The following ABHD14B variants were observed in gnomAD, a reference collection of about 807,000 sequenced individuals.
ABHD14B encodes the protein abhydrolase domain containing 14B, also known as putative protein-lysine deacylase ABHD14B.
In ABHD14B, 19 loss-of-function variants were observed where a neutral mutation model predicts 15.4. The observed-to-expected ratio is 1.23, with a 90% CI of 0.86 to 1.81. The LOEUF is 1.81. Ranked by LOEUF, ABHD14B falls within the 40% of genes most tolerant of loss-of-function variation. ABHD14B has a pLI of 0.00. For missense variants in ABHD14B, 243 were observed against 267.0 expected (o/e 0.91, Z 0.63); for synonymous variants, 92 against 117.3 (o/e 0.78, Z 1.39).
rs373373105 is a variant in ABHD14B, at chr3:51,970,081, CG to C, written c.314del (p.Pro105ArgfsTer3). ...CACTCAGTGATGGACTGATCACAAC[CG>C]GGGGGCCCAGCTCCAAGGCATCCAC... ...AVVDALELGP[P>X]VVISPSLSGM... On this transcript the variant is annotated frameshift_variant, in exon 3 of 4. Coordinates refer to ENST00000361143, the MANE Select transcript of ABHD14B (RefSeq NM_001146314.2). LOFTEE classifies it high-confidence loss of function. 1.2e-6 allele frequency: 2 copies of C among 1,606,412 alleles called. No individual in the cohort carries two copies. Among genetic ancestry groups the C allele is most frequent in the Middle Eastern group, 1.7e-4 (1 of 6,030 alleles).
At chr3:51,969,750 T>C (rs1333275985) in intron 3 of ABHD14B, 145 bp from the exon 4 acceptor site, 1 of 1,389,630 alleles carries the variant, frequency 7.2e-7, no homozygotes, top group Non-Finnish European at 1.0e-6. Context: ...CACAGATTGG[T>C]GTCTGCCCCA....
At position 51,971,718 on chromosome 3, in the gene ABHD14B, T is replaced by C. The variant is rs1233518844; in HGVS notation, c.-28-20A>G. On this transcript the variant is annotated intron_variant, in intron 1 of 3. Transcript: ENST00000361143. ...AAGGGCCTGTGGTTCAAAACCACGA[T>C]GATGAGGGGCCACAGAACACCCTGC... is the stretch of plus-strand genomic sequence containing the variant. The C allele has an allele frequency of 1.9e-6, 3 of 1,595,010 alleles. No homozygotes were observed. Among genetic ancestry groups the C allele is most frequent in the Admixed American group, 1.7e-5 (1 of 58,490 alleles).
chr3:51,974,076 G>A, upstream of ABHD14B: 2 of 1,282,770 alleles, frequency 1.6e-6, no homozygotes, highest in Non-Finnish European at 2.0e-6. Context: ...CGGGGGCGGG[G>A]ACTGGGCCGT....
At chr3:51,971,097 A>C (rs1279674010) in intron 2 of ABHD14B, among the ~76,000 whole-genome samples, 1 of 152,234 alleles carries the variant, frequency 6.6e-6, no homozygotes. Flanking sequence ...ACTCTGTGTC[A>C]GGTACTAGCC....
At chr3:51,973,592 ACTGCAGC>A (rs1177271988) in intron 1 of ABHD14B, 1 of 326,694 alleles carries the variant, frequency 3.1e-6, no homozygotes, top group African/African-American at 2.3e-5. Flanking sequence ...ATCATGGATC[ACTGCAGC>A]CTTGACCTTC....
chr3:51,971,101 A>G (rs1577709167), intron 2 of ABHD14B, among the ~76,000 whole-genome samples: 1 of 152,260 alleles, frequency 6.6e-6, no homozygotes, highest in Admixed American at 6.5e-5. Flanking sequence ...TGTGTCAGGT[A>G]CTAGCCACAT....
rs186106369 is a variant in ABHD14B, at chr3:51,970,455, A to G, written c.212-271T>C. 3.6e-5 allele frequency: 22 copies of G among 613,768 alleles called. No individual in the cohort carries two copies. The Admixed American group carries it at 5.0e-4, about 14-fold the overall frequency. The allele number at this position is 613,768 out of a possible 1,614,324, so 38.0% of individuals were successfully genotyped here. ...TCTGAAGCCCAAGAAGTCTGGGTCC[A>G]GAACCCAATTCTGCATTTATTGTCT... On this transcript the variant is annotated intron_variant, in intron 2 of 3. Coordinates refer to ENST00000361143, the MANE Select transcript of ABHD14B (RefSeq NM_001146314.2).
chr3:51,969,643 G>A, intron 3 of ABHD14B, 38 bp from the exon 4 acceptor site: 2 of 1,583,472 alleles, frequency 1.3e-6, no homozygotes, highest in East Asian at 2.2e-5. Context: ...AGAGTCAACA[G>A]GGACCTGCCA....
chr3:51,974,067 G>A, upstream of ABHD14B: 1 of 1,286,026 alleles, frequency 7.8e-7, no homozygotes, highest in South Asian at 1.2e-5. Context: ...CCCATCCAGC[G>A]GGGGCGGGGA....
In ABHD14B at chr3:51,969,431, G is replaced by C; in HGVS notation, c.628C>G (p.Gln210Glu). Residue 210 changes from glutamine (Q) to glutamate (E), a missense_variant, in exon 4 of 4, where the codon CAG (glutamine) becomes GAG (glutamate). Physicochemically the swap from Gln to Glu is conservative, Grantham distance 29. Transcript: ENST00000361143. ...TGLLDFLQGL[Q>E] ...CCCTGCAGCAGTGCTGGGCTTCACTGGAGCCCCTGCAGGAAGTCCAGCAGC... is the reference window on the plus strand; with the variant it reads ...CCCTGCAGCAGTGCTGGGCTTCACTCGAGCCCCTGCAGGAAGTCCAGCAGC... 6.2e-7 allele frequency: 1 copy of C among 1,610,904 alleles called. No individual in the cohort carries two copies. Among genetic ancestry groups the C allele is most frequent in the Admixed American group, 1.7e-5 (1 of 59,826 alleles).
chr3:51,971,964 G>T, intron 1 of ABHD14B: 3 of 560,650 alleles, frequency 5.4e-6, no homozygotes, highest in Non-Finnish European at 7.5e-6. Context: ...AAAATTATCG[G>T]CCAGGCATGG....
upstream of ABHD14B, chr3:51,974,145 C>T: frequency 2.1e-6 from 2 of 930,644 alleles, no homozygotes; most frequent in Non-Finnish European, 2.9e-6. Context: ...CCGCTAAACT[C>T]GTTCTCACAG....
At chr3:51,973,915 G>A (rs1700719826) in intron 1 of ABHD14B, 50 bp downstream of exon 1, 1 of 1,289,724 alleles carries the variant, frequency 7.8e-7, no homozygotes, top group Admixed American at 2.3e-5. Flanking sequence ...GGTAGGTGGG[G>A]TTGGATTTTG....
intron 3 of ABHD14B, 164 bp downstream of exon 3, chr3:51,969,779 G>A (rs759988155): frequency 4.9e-6 from 7 of 1,439,090 alleles, no homozygotes; most frequent in Non-Finnish European, 6.7e-6. Context: ...TTTAGCACAG[G>A]GCTTGGCACA....
chr3:51,973,240 C>T (rs1220249667), intron 1 of ABHD14B, among the ~76,000 whole-genome samples: 2 of 151,082 alleles, frequency 1.3e-5, no homozygotes, highest in East Asian at 3.9e-4. Context: ...TTAGTACAGA[C>T]GGGGTTTCGC....
intron 2 of ABHD14B, 160 bp downstream of exon 2, chr3:51,971,300 T>C: frequency 1.2e-6 from 1 of 812,338 alleles, no homozygotes; most frequent in South Asian, 2.3e-5. Context: ...TGCAGTGTGC[T>C]TGACCAAACG....
chr3:51,971,395 G>T, intron 2 of ABHD14B, 65 bp downstream of exon 2: 1 of 1,446,584 alleles, frequency 6.9e-7, no homozygotes, highest in Non-Finnish European at 9.1e-7. Flanking sequence ...ACATGTTATA[G>T]GAACCTGGCC....
In ABHD14B at chr3:51,971,549, A is replaced by T. The variant is rs1489140186; in HGVS notation, c.122T>A (p.Ile41Asn). ...CTGCCAGGTCTCGGAGGAGAAGCGA[A>T]TACCATGCAGCAGCAGTACAGAGAA... ...ARFSVLLLHGIRFSSETWQNL... is the reference protein window; with the variant it reads ...ARFSVLLLHGNRFSSETWQNL... The change falls in exon 2 of 4, where the codon ATT becomes AAT. Residue 41 changes from isoleucine (I) to asparagine (N), a missense_variant. By Grantham distance (149) the Ile-to-Asn change is moderately radical. Transcript: ENST00000361143. 1 of 1,613,562 alleles carries T rather than the reference A, an allele frequency of 6.2e-7. No homozygotes were observed. Among genetic ancestry groups the T allele is most frequent in the African/African-American group, 1.3e-5 (1 of 74,914 alleles).
intron 1 of ABHD14B, among the ~76,000 whole-genome samples, chr3:51,973,107 A>G (rs1700688710): frequency 7.3e-6 from 1 of 136,200 alleles, no homozygotes; most frequent in Non-Finnish European, 1.5e-5. Flanking sequence ...GTGCAATGGC[A>G]CATCTCCGCT....
Sources: gnomAD v4.1 joint callset for allele counts (sites outside exome capture counted in the v4.1 genomes callset) on GRCh38, gnomAD v4.1.1 for gene constraint, MANE v1.5 for transcripts, NCBI Gene and HGNC (gene_info 2026-07-23, HGNC 2026-07-21) for gene names.